The following KIAA1217 variants were observed in gnomAD, a reference collection of about 807,000 sequenced individuals.
The protein encoded by KIAA1217 is sickle tail protein homolog.
KIAA1217 carries 88 observed loss-of-function variants against 163.9 expected under a neutral mutation model. That is an observed-to-expected ratio of 0.54 (90% CI 0.45 to 0.64). The LOEUF (loss-of-function observed/expected upper bound fraction) is 0.64. Ranked by LOEUF, KIAA1217 falls within the 30% of genes least tolerant of loss-of-function variation. KIAA1217 has a pLI of 0.00. For synonymous variants in KIAA1217, 903 were observed against 923.1 expected (o/e 0.98, Z 0.39); for missense variants, 2,372 against 2,475.0 (o/e 0.96, Z 0.88).
At chr10:24,124,421 A>G (rs934051191) in intron 2 of KIAA1217, among the ~76,000 whole-genome samples, 1 of 152,082 alleles carries the variant, frequency 6.6e-6, no homozygotes, top group Non-Finnish European at 1.5e-5. Flanking sequence ...TAACATTTAT[A>G]TATTTTTATT....
chr10:23,824,367 C>T (rs954763408), intron 1 of KIAA1217, among the ~76,000 whole-genome samples: 3 of 151,578 alleles, frequency 2.0e-5, no homozygotes, highest in Non-Finnish European at 4.4e-5. Context: ...CGGTGGCTCA[C>T]GCCTGTAATC....
chr10:24,317,030 A>G (rs1238688636), intron 2 of KIAA1217, among the ~76,000 whole-genome samples: 2 of 152,274 alleles, frequency 1.3e-5, no homozygotes, highest in East Asian at 3.9e-4. Context: ...GAGATTGTGT[A>G]GTCTAGAAAA....
intron 1 of KIAA1217, among the ~76,000 whole-genome samples, chr10:23,860,855 T>G (rs925170756): frequency 3.3e-5 from 5 of 152,044 alleles, no homozygotes; most frequent in African/African-American, 1.2e-4. Flanking sequence ...TTTTCTATTT[T>G]GTTTTCTCAT....
At chr10:24,290,672 C>CG (rs1349756410) in intron 2 of KIAA1217, among the ~76,000 whole-genome samples, 1 of 148,106 alleles carries the variant, frequency 6.8e-6, no homozygotes, top group African/African-American at 2.5e-5. Flanking sequence ...GGTGTGATCT[C>CG]GGCTCACTGC....
At position 24,112,387 on chromosome 10, in the gene KIAA1217, C is replaced by G. The variant is rs898715783; in HGVS notation, c.-171+105013C>G. Reference sequence around the variant, plus strand: ...TTTTATTTCTGTGCGAACAGGATGGCTTTGTTTTATTCCATAGGCTCAAGT... The same window carrying G: ...TTTTATTTCTGTGCGAACAGGATGGGTTTGTTTTATTCCATAGGCTCAAGT... On this transcript the variant is annotated intron_variant, in intron 2 of 18. Transcript: ENST00000376462. Among the ~76,000 whole-genome samples, 16 of 152,110 alleles carry G rather than the reference C, an allele frequency of 1.1e-4. No individual in the cohort carries two copies. In the South Asian group the frequency reaches 1.9e-3, roughly 18 times the overall value.
intron 2 of KIAA1217, among the ~76,000 whole-genome samples, chr10:24,121,429 T>C (rs1189180664): frequency 3.3e-5 from 5 of 152,210 alleles, no homozygotes; most frequent in Non-Finnish European, 4.4e-5. Flanking sequence ...AGCATGGACA[T>C]TCTTGGGAGA....
intron 2 of KIAA1217, among the ~76,000 whole-genome samples, chr10:24,169,948 A>G (rs1168064243): frequency 2.0e-5 from 3 of 152,232 alleles, no homozygotes; most frequent in Non-Finnish European, 4.4e-5. Flanking sequence ...ATAATTTATT[A>G]GTATTCAAAA....
intron 2 of KIAA1217, among the ~76,000 whole-genome samples, chr10:24,123,412 T>C (rs1454446670): frequency 2.0e-5 from 3 of 152,122 alleles, no homozygotes; most frequent in Admixed American, 1.3e-4. Context: ...GAGGGAAGTG[T>C]GGGTTGTCCC....
chr10:23,704,172 GTATATA>G (rs35533445), intron 1 of KIAA1217, among the ~76,000 whole-genome samples: 3,765 of 39,866 alleles, frequency 0.094, 231 homozygotes, highest in East Asian at 0.29. Flanking sequence ...GTGTGTGTGT[GTATATA>G]TATATATATA....
chr10:23,716,363 T>C (rs1178224664), intron 1 of KIAA1217, among the ~76,000 whole-genome samples: 1 of 152,208 alleles, frequency 6.6e-6, no homozygotes, highest in Non-Finnish European at 1.5e-5. Context: ...ATTTTAAATA[T>C]GTAAACTCAT....
chr10:24,148,715 G>C (rs560901674), intron 2 of KIAA1217, among the ~76,000 whole-genome samples: 83 of 152,242 alleles, frequency 5.5e-4, no homozygotes, highest in African/African-American at 2.0e-3. Context: ...TGCCATGCTT[G>C]TACAGCTTGC....
rs144231647 is a variant in KIAA1217 at position 24,544,460 on chromosome 10, G to T, written c.5190G>T (p.Ser1730=). The change falls in exon 19 of 21, where the codon TCG becomes TCT. Residue 1730 remains serine (S), a synonymous_variant. Coordinates refer to ENST00000376454, the MANE Select transcript of KIAA1217 (RefSeq NM_019590.5). ...CCACTGCCCTAGAGCCCCCTACGTC[G>T]ATACCTTCAGCTTCACGTAAGGTAT... ...EGPTALEPPT[S]IPSASRKGSS... 18 of 1,612,616 alleles carry T rather than the reference G, an allele frequency of 1.1e-5. No individual in the cohort carries two copies. The highest frequency in any genetic ancestry group is 1.5e-5 in the Non-Finnish European group (18 of 1,179,196).
At chr10:24,462,424 G>T (rs1158506531) in intron 5 of KIAA1217, among the ~76,000 whole-genome samples, 2 of 152,184 alleles carry the variant, frequency 1.3e-5, no homozygotes, top group African/African-American at 4.8e-5. Context: ...ATCCATCAGT[G>T]ATCACGCGTG....
chr10:24,063,455 T>C (rs181045813), intron 2 of KIAA1217, among the ~76,000 whole-genome samples: 3 of 152,276 alleles, frequency 2.0e-5, no homozygotes, highest in Admixed American at 1.3e-4. Flanking sequence ...GTTGTAGATG[T>C]GTGGTATTAT....
At chr10:24,477,966 C>A (rs1469028783) in intron 6 of KIAA1217, among the ~76,000 whole-genome samples, 1 of 152,198 alleles carries the variant, frequency 6.6e-6, no homozygotes, top group Non-Finnish European at 1.5e-5. Flanking sequence ...AAGAACCAAT[C>A]CAATTTCTGT....
chr10:23,960,891 C>T (rs1051091335), intron 1 of KIAA1217, among the ~76,000 whole-genome samples: 3 of 152,130 alleles, frequency 2.0e-5, no homozygotes, highest in African/African-American at 7.2e-5. Flanking sequence ...TAGTTTAAAA[C>T]ATAAATACTT....
chr10:24,066,874 A>T lies in KIAA1217; in HGVS notation c.-171+59500A>T, dbSNP rs772201835. Reference sequence around the variant, plus strand: ...TTCTTTTTTCTCTAAACTTCTCTTCACACTTCATTTCATTCATTTTGTCTT... The same window carrying T: ...TTCTTTTTTCTCTAAACTTCTCTTCTCACTTCATTTCATTCATTTTGTCTT... On this transcript the variant is annotated intron_variant, in intron 2 of 18. Transcript: ENST00000376462. Among the ~76,000 whole-genome samples, 29 of 151,898 alleles carry T rather than the reference A, an allele frequency of 1.9e-4. 1 individual carries two copies. The highest frequency in any genetic ancestry group is 3.4e-4 in the Non-Finnish European group (23 of 67,990).
At chr10:23,846,994 A>G (rs959988174) in intron 1 of KIAA1217, among the ~76,000 whole-genome samples, 4 of 152,194 alleles carry the variant, frequency 2.6e-5, no homozygotes, top group East Asian at 1.9e-4. Flanking sequence ...TGAGATAATC[A>G]TGTGGTTTTT....
intron 2 of KIAA1217, among the ~76,000 whole-genome samples, chr10:24,082,014 A>T (rs558178299): frequency 2.0e-5 from 3 of 152,270 alleles, no homozygotes; most frequent in Admixed American, 2.0e-4. Flanking sequence ...ACCAGTTAAG[A>T]TGGGACTCAA....
Sources: allele counts gnomAD v4.1 joint callset (sites outside exome capture counted in the v4.1 genomes callset), GRCh38; gene constraint gnomAD v4.1.1; transcripts MANE v1.5; gene names NCBI Gene and HGNC (gene_info 2026-07-23, HGNC 2026-07-21).